ATG9B: variants seen among roughly 807,000 people sequenced by gnomAD.
The protein encoded by ATG9B is autophagy-related protein 9B.
In ATG9B, 92 loss-of-function variants were observed where a neutral mutation model predicts 92.9. That is an observed-to-expected ratio of 0.99 (90% CI 0.84 to 1.18). The LOEUF is 1.18. ATG9B is among the 50% of genes most tolerant of loss of function. ATG9B has a pLI of 0.00. For synonymous variants in ATG9B, 599 were observed against 551.4 expected, an observed-to-expected ratio of 1.09 and a Z score of -1.21; for missense variants, 1,344 against 1,235.0, an observed-to-expected ratio of 1.09 and a Z score of -1.32.
rs765936005 is a variant in ATG9B at position 151,015,949 on chromosome 7, G to A, written c.2722C>T (p.Gln908Ter). ...KARNLFPGGFQVTTDTQKEPD... is the reference protein window; with the variant it reads ...KARNLFPGGF Reference sequence around the variant, plus strand: ...TCCTTCTGGGTGTCTGTGGTCACCTGAAACCCTCCGGGGAACAGATTCCGG... The same window carrying A: ...TCCTTCTGGGTGTCTGTGGTCACCTAAAACCCTCCGGGGAACAGATTCCGG... The change falls in exon 13 of 14, where the codon CAG (glutamine) becomes TAG (stop). Residue 908 changes from glutamine to a stop codon, truncating the protein, a stop_gained. Coordinates refer to ENST00000639579, the MANE Select transcript of ATG9B (RefSeq NM_001317056.2). LOFTEE classifies it high-confidence loss of function. 1 of 1,551,550 alleles carries A rather than the reference G, an allele frequency of 6.4e-7. No individual in the cohort carries two copies. Among genetic ancestry groups the A allele is most frequent in the Non-Finnish European group, 8.7e-7 (1 of 1,147,004 alleles).
rs969478310 is a variant in ATG9B at position 151,015,495 on chromosome 7, C to T, written c.*233G>A. 6.1e-6 allele frequency: 1 copy of T among 164,692 alleles called. No homozygotes were observed. The highest frequency in any genetic ancestry group is 1.3e-5 in the Non-Finnish European group (1 of 76,636). 10.2% of individuals were successfully genotyped at this position (164,692 alleles called of 1,614,324 possible). On this transcript the variant is annotated 3_prime_UTR_variant, in exon 14 of 14. Transcript: ENST00000639579. ...AGTTGGGGATGTCTCCCCTTATTCCCTCTGGGTGCAGACCATCTCTAAGAC... is the reference window on the plus strand; with the variant it reads ...AGTTGGGGATGTCTCCCCTTATTCCTTCTGGGTGCAGACCATCTCTAAGAC...
At chr7:151,012,812 A>G (rs1246325678), downstream of ATG9B, 1 of 338,282 alleles carries the variant, frequency 3.0e-6, no homozygotes, top group Admixed American at 4.4e-5. Context: ...AGACCTAAGG[A>G]TGCTACAAGG....
chr7:151,014,434 C>T, downstream of ATG9B: 1 of 467,930 alleles, frequency 2.1e-6, no homozygotes, highest in Non-Finnish European at 3.8e-6. Flanking sequence ...CACCCGCTTC[C>T]TGTTTCTTAG....
At chr7:151,014,124 G>T (rs753603291), downstream of ATG9B, 21 of 1,612,222 alleles carry the variant, frequency 1.3e-5, no homozygotes, top group Admixed American at 3.3e-4. Context: ...GGGGCGCAGT[G>T]CCCTGGGCGT....
chr7:151,024,396 T>TC lies in ATG9B; in HGVS notation c.27dup (p.Arg10GlufsTer139), dbSNP rs760721903. 1,220 of 1,353,612 alleles carry TC rather than the reference T, an allele frequency of 9.0e-4. 5 individuals are homozygous for TC. Among genetic ancestry groups the TC allele is most frequent in the South Asian group, 1.8e-3 (80 of 43,974 alleles). 83.9% of individuals were successfully genotyped at this position (1,353,612 alleles called of 1,614,324 possible). A position where few individuals can be genotyped will look rare whatever the true frequency, so the allele number is the denominator to read the frequency against. ...CCCCACCGCCCCAGCCGCCTTCTTC[T>TC]CCCCCCCCAGCCCATTCGGCTCACC... On this transcript the variant is annotated frameshift_variant, in exon 1 of 14. Transcript: ENST00000639579. LOFTEE classifies it high-confidence loss of function.
At position 151,016,203 on chromosome 7, in the gene ATG9B, C is replaced by T; in HGVS notation, c.2553G>A (p.Trp851Ter). The T allele has an allele frequency of 6.6e-7, 1 of 1,511,260 alleles. No homozygotes were observed. The highest frequency in any genetic ancestry group is 2.5e-5 in the East Asian group (1 of 40,502). The allele number at this position is 1,511,260 out of a possible 1,614,324, so 93.6% of individuals were successfully genotyped here. Reference sequence around the variant, plus strand: ...ACAGGATGGAGGCTGCAGCCTCACCCCACGGCTCCTGCTGCTGCTGCTGCT... The same window carrying T: ...ACAGGATGGAGGCTGCAGCCTCACCTCACGGCTCCTGCTGCTGCTGCTGCT... ...LHQQQQQQEPWGEAAASILSR... is the reference protein window; with the variant it reads ...LHQQQQQQEP Residue 851 changes from tryptophan (W) to a stop codon, truncating the protein, a stop_gained, in exon 12 of 14, where the codon TGG becomes TGA. Coordinates refer to ENST00000639579, the MANE Select transcript of ATG9B (RefSeq NM_001317056.2). LOFTEE classifies it high-confidence loss of function.
At chr7:151,013,697 G>C, downstream of ATG9B, 2 of 1,535,474 alleles carry the variant, frequency 1.3e-6, no homozygotes, top group Non-Finnish European at 1.8e-6. Context: ...CCCCACCAGG[G>C]CCCGCCCTAA....
At chr7:151,012,305 G>T, downstream of ATG9B, 1 of 1,518,226 alleles carries the variant, frequency 6.6e-7, no homozygotes, top group South Asian at 1.2e-5. Context: ...GAGAATGGTG[G>T]AGCAGGAAAG....
chr7:151,018,719 GCGAAGAGTGCA>G lies in ATG9B; in HGVS notation c.1608_1618del (p.Ala537ArgfsTer152). On this transcript the variant is annotated frameshift_variant, in exon 6 of 14. Transcript: ENST00000639579. LOFTEE classifies it high-confidence loss of function. The surrounding 1 kb of genome is among the most constrained non-coding windows in gnomAD (Gnocchi z 4.7). ...GTAGACGGTGAGCACAAGCAGCGCG[GCGAAGAGTGCA>G]CCCGCGAAGAAAACGAGCTGGCGGG... is the stretch of plus-strand genomic sequence containing the variant. The G allele has an allele frequency of 1.4e-5, 23 of 1,596,124 alleles. No homozygotes were observed. The highest frequency in any genetic ancestry group is 1.9e-5 in the Non-Finnish European group (22 of 1,174,278).
At position 151,016,817 on chromosome 7, in the gene ATG9B, T is replaced by G; in HGVS notation, c.2294A>C (p.Glu765Ala). 2 of 1,605,654 alleles carry G rather than the reference T, an allele frequency of 1.2e-6. No individual in the cohort carries two copies. The highest frequency in any genetic ancestry group is 8.5e-7 in the Non-Finnish European group (1 of 1,176,438). The change falls in exon 10 of 14, where the codon GAG (glutamate) becomes GCG (alanine). Residue 765 changes from glutamate to alanine, a missense_variant. By Grantham distance (107) the Glu-to-Ala change is moderately radical (BLOSUM62 -1). Coordinates refer to ENST00000639579, the MANE Select transcript of ATG9B (RefSeq NM_001317056.2). Reference protein sequence around the residue: ...VLSNCTSPLPEAFLANLFVHP... With the variant: ...VLSNCTSPLPAAFLANLFVHP... ...CACGAAGAGGTTGGCCAGGAAGGCC[T>G]CAGGCTGGGTGCAAGAGGAGAGGGA...
chr7:151,022,877 C>G (rs1795801997), intron 4 of ATG9B, among the ~76,000 whole-genome samples, 168 bp downstream of exon 4: 1 of 151,122 alleles, frequency 6.6e-6, no homozygotes, highest in South Asian at 2.1e-4. Flanking sequence ...TTAAGTACAA[C>G]TTAATACACT....
chr7:151,017,378 A>T, intron 8 of ATG9B, 106 bp from the exon 9 acceptor site: 1 of 1,113,048 alleles, frequency 9.0e-7, no homozygotes, highest in Non-Finnish European at 1.3e-6. Flanking sequence ...ACAGACCACA[A>T]TGGGGACTTG....
chr7:151,024,282 T>G lies in ATG9B; in HGVS notation c.142A>C (p.Ile48Leu). Reference protein sequence around the residue: ...PSCRGPGGGRISIFSLSPAPH... With the variant: ...PSCRGPGGGRLSIFSLSPAPH... The stretch of plus-strand genomic sequence containing the variant: ...GCAGGGGACAGAGAGAAGATGGAGA[T>G]CCTCCCTCCCCCAGGTCCCCGGCAT... The change falls in exon 1 of 14, where the codon ATC (isoleucine) becomes CTC (leucine). Residue 48 changes from isoleucine to leucine, a missense_variant. Ile to Leu is a conservative substitution (Grantham distance 5). Transcript: ENST00000639579. 7.1e-7 allele frequency: 1 copy of G among 1,409,722 alleles called. No individual in the cohort carries two copies. 87.3% of individuals were successfully genotyped at this position (1,409,722 alleles called of 1,614,324 possible).
Position 151,016,835 on chromosome 7 carries a change from G to A in ATG9B, c.2290-14C>T. On this transcript the variant is annotated splice_polypyrimidine_tract_variant and intron_variant, in intron 9 of 13. Coordinates refer to ENST00000639579, the MANE Select transcript of ATG9B (RefSeq NM_001317056.2). The stretch of plus-strand genomic sequence containing the variant: ...GAAGGCCTCAGGCTGGGTGCAAGAG[G>A]AGAGGGAAAGCCAAAGAGGGAGTCA... The A allele has an allele frequency of 6.3e-7, 1 of 1,594,642 alleles. No homozygotes were observed. Among genetic ancestry groups the A allele is most frequent in the Non-Finnish European group, 8.5e-7 (1 of 1,170,900 alleles).
rs779692378 is a variant in ATG9B, at chr7:151,018,765, T to G, written c.1573A>C (p.Thr525Pro). 6.7e-7 allele frequency: 1 copy of G among 1,497,468 alleles called. No homozygotes were observed. The highest frequency in any genetic ancestry group is 2.8e-5 in the East Asian group (1 of 35,954). The allele number at this position is 1,497,468 out of a possible 1,614,324, so 92.8% of individuals were successfully genotyped here. ...RTAAPPAPLR[T>P]LLARQLVFFA... Reference sequence around the variant, plus strand: ...AAAACGAGCTGGCGGGCCAGCAGCGTGCGCAGGGGCGCGGGGGGCGCAGCG... The same window carrying G: ...AAAACGAGCTGGCGGGCCAGCAGCGGGCGCAGGGGCGCGGGGGGCGCAGCG... Residue 525 changes from threonine to proline, a missense_variant, in exon 6 of 14, where the codon ACG (threonine) becomes CCG (proline). Thr to Pro is a conservative substitution (Grantham distance 38, BLOSUM62 -1). Transcript: ENST00000639579. This position sits in a 1 kb window ranked among gnomAD's most constrained non-coding sequence, Gnocchi z 4.7.
chr7:151,013,660 A>G, downstream of ATG9B: 2 of 1,395,712 alleles, frequency 1.4e-6, no homozygotes, highest in Non-Finnish European at 1.9e-6. Flanking sequence ...GCCAGCCAGC[A>G]GCCCCGGGCT....
In ATG9B at chr7:151,021,343, G is replaced by T; in HGVS notation, c.822-14C>A. 6.3e-7 allele frequency: 1 copy of T among 1,575,822 alleles called. No homozygotes were observed. The highest frequency in any genetic ancestry group is 2.3e-5 in the East Asian group (1 of 44,080). ...CTGGAGCGGATCCTGTATGGGGTTG[G>T]GCGGGCAGTGGGGGAGAAAGGTGGG... On this transcript the variant is annotated splice_polypyrimidine_tract_variant and intron_variant, in intron 4 of 13. Coordinates refer to ENST00000639579, the MANE Select transcript of ATG9B (RefSeq NM_001317056.2).
chr7:151,012,756 C>T (rs893687707), downstream of ATG9B: 47 of 373,260 alleles, frequency 1.3e-4, no homozygotes, highest in Middle Eastern at 7.6e-4. Context: ...GAAGAACTGC[C>T]CAAGGTGGAT....
At chr7:151,017,383 G>C in intron 8 of ATG9B, 111 bp from the exon 9 acceptor site, 1 of 1,087,986 alleles carries the variant, frequency 9.2e-7, no homozygotes, top group South Asian at 1.6e-5. Context: ...CCACAATGGG[G>C]ACTTGTTCAC....
Sources: allele counts gnomAD v4.1 joint callset (sites outside exome capture counted in the v4.1 genomes callset), GRCh38; gene constraint gnomAD v4.1.1; non-coding constraint Gnocchi (gnomAD v3.1); transcripts MANE v1.5; gene names NCBI Gene and HGNC (gene_info 2026-07-23, HGNC 2026-07-21).